The following CYB5R2 variants were observed in gnomAD, a reference collection of about 807,000 sequenced individuals.
CYB5R2 encodes NADH-cytochrome b5 reductase 2.
Under a neutral mutation model 29.8 loss-of-function variants are expected in CYB5R2, and 35 were observed. That is an observed-to-expected ratio of 1.17 (90% CI 0.90 to 1.56). The LOEUF (loss-of-function observed/expected upper bound fraction) is 1.56, where lower values mean the gene tolerates loss of function less well. CYB5R2 is among the 40% of genes most tolerant of loss of function. CYB5R2 has a pLI of 0.00. For synonymous variants in CYB5R2, 169 were observed against 130.6 expected, an observed-to-expected ratio of 1.29 and a Z score of -2.01; for missense variants, 419 against 346.7, an observed-to-expected ratio of 1.21 and a Z score of -1.66.
At position 7,669,652 on chromosome 11, in the gene CYB5R2, G is replaced by A; in HGVS notation, c.231C>T (p.Asp77=). ...TTATAATTAGGTCCACAAAGCCTCT[G>A]TCATCATCACTGGAGACAGGGGTGT... ...RAYTPVSSDD[D]RGFVDLIIKI... is the part of the protein sequence containing the mutation. The change falls in exon 4 of 9, where the codon GAC becomes GAT. Residue 77 remains aspartate (D), a synonymous_variant. Transcript: ENST00000299498. 1 of 1,609,652 alleles carries A rather than the reference G, an allele frequency of 6.2e-7. No homozygotes were observed. The highest frequency in any genetic ancestry group is 8.5e-7 in the Non-Finnish European group (1 of 1,178,314).
chr11:7,672,648 G>A, intron 2 of CYB5R2, 100 bp downstream of exon 2: 1 of 1,121,388 alleles, frequency 8.9e-7, no homozygotes, highest in Non-Finnish European at 1.3e-6. Flanking sequence ...ACACAGGGCG[G>A]CGGGGAGTGA....
Position 7,672,786 on chromosome 11 carries a change from G to T in CYB5R2, c.40C>A (p.Pro14Thr), listed in dbSNP as rs371577976. 3 of 1,613,994 alleles carry T rather than the reference G, an allele frequency of 1.9e-6. No individual in the cohort carries two copies. In the African/African-American group the frequency reaches 4.0e-5, roughly 22 times the overall value. Residue 14 changes from proline (P) to threonine (T), a missense_variant, in exon 2 of 9, where the codon CCT (proline) becomes ACT (threonine). Transcript: ENST00000299498. Reference protein sequence around the residue: ...RRREPITLQDPEAKYPLPLIE... With the variant: ...RRREPITLQDTEAKYPLPLIE... ...AAGGGCAGCGGGTACTTGGCTTCAG[G>T]GTCCTGTAAGGTGATTGGCTCTCTC...
At chr11:7,667,571 C>T in intron 7 of CYB5R2, 157 bp downstream of exon 7, 2 of 693,282 alleles carry the variant, frequency 2.9e-6, no homozygotes, top group Non-Finnish European at 5.1e-6. Flanking sequence ...CTGGACTCAG[C>T]TTCTCCAGCT....
intron 3 of CYB5R2, chr11:7,672,154 C>T: frequency 2.6e-6 from 1 of 381,198 alleles, no homozygotes; most frequent in Non-Finnish European, 4.7e-6. Context: ...GAAGGACTTC[C>T]CTTAAGTTCC....
intron 6 of CYB5R2, among the ~76,000 whole-genome samples, 182 bp downstream of exon 6, chr11:7,668,296 T>C (rs1855471580): frequency 1.3e-5 from 2 of 152,134 alleles, no homozygotes; most frequent in Non-Finnish European, 2.9e-5. Context: ...GCAGCCACCA[T>C]ATTGGTTAGG....
At chr11:7,666,620 G>C (rs1360534244) in intron 7 of CYB5R2, 70 bp from the exon 8 acceptor site, 7 of 1,146,260 alleles carry the variant, frequency 6.1e-6, no homozygotes, top group Non-Finnish European at 7.7e-6. Context: ...GACTACACCG[G>C]TCAGCATACT....
At position 7,672,883 on chromosome 11, in the gene CYB5R2, G is replaced by A. The variant is rs1855847121; in HGVS notation, c.-58C>T. The A allele has an allele frequency of 6.2e-7, 1 of 1,612,990 alleles. No individual in the cohort carries two copies. The highest frequency in any genetic ancestry group is 1.1e-5 in the South Asian group (1 of 90,818). On this transcript the variant is annotated 5_prime_UTR_variant, in exon 2 of 9. Transcript: ENST00000299498. Reference sequence around the variant, plus strand: ...CAGTGACGGTGATGGTCAGGAGCAGGGACGGGTCCTGGCAGACACAATGTG... The same window carrying A: ...CAGTGACGGTGATGGTCAGGAGCAGAGACGGGTCCTGGCAGACACAATGTG...
rs1855199112 is a variant in CYB5R2, at chr11:7,666,250, C to G, written c.658+201G>C. The G allele has an allele frequency of 2.0e-5, 12 of 595,164 alleles. No homozygotes were observed. In the South Asian group the frequency reaches 2.5e-4, roughly 12 times the overall value. The allele number at this position is 595,164 out of a possible 1,614,324, so 36.9% of individuals were successfully genotyped here. On this transcript the variant is annotated intron_variant, in intron 8 of 8. Transcript: ENST00000299498. ...GCTGCTGATGTATTAGACACCTGCT[C>G]TCGATTGCCCTTAAAAGCAGGCCAT...
At chr11:7,670,847 C>A (rs1159329303) in intron 3 of CYB5R2, 1 of 152,206 alleles carries the variant, frequency 6.6e-6, no homozygotes, top group South Asian at 2.1e-4. Context: ...TAACCCTAAC[C>A]CTTGACTAAC....
intron 3 of CYB5R2, 97 bp from the exon 4 acceptor site, chr11:7,669,828 G>A (rs955499530): frequency 3.8e-5 from 33 of 869,064 alleles, no homozygotes; most frequent in Non-Finnish European, 5.9e-5. Context: ...GCAAATACTG[G>A]GGGCACAATG....
At chr11:7,673,532 CTCCCCGCCCTTCGCGG>C, upstream of CYB5R2, 3 of 985,296 alleles carry the variant, frequency 3.0e-6, no homozygotes, top group Non-Finnish European at 3.6e-6. Flanking sequence ...GCCCGCCCCA[CTCCCCGCCCTTCGCGG>C]TCCCGCCCAC....
rs888233946 is a variant in CYB5R2 at position 7,668,508 on chromosome 11, C to G, written c.442G>C (p.Asp148His). 3 of 1,614,032 alleles carry G rather than the reference C, an allele frequency of 1.9e-6. No homozygotes were observed. Among genetic ancestry groups the G allele is most frequent in the Non-Finnish European group, 2.5e-6 (3 of 1,179,942 alleles). Residue 148 changes from aspartate to histidine, a missense_variant, in exon 6 of 9, where the codon GAT (aspartate) becomes CAT (histidine). Coordinates refer to ENST00000299498, the MANE Select transcript of CYB5R2 (RefSeq NM_016229.5). ...CCCCCAGCAATCATTCCCAGGTGATCGGCCAGTGTTTTTTTAGGCTCACTC... is the reference window on the plus strand; with the variant it reads ...CCCCCAGCAATCATTCCCAGGTGATGGGCCAGTGTTTTTTTAGGCTCACTC... The part of the protein sequence containing the change: ...QTSEPKKTLA[D>H]HLGMIAGGTG...
intron 1 of CYB5R2, 101 bp downstream of exon 1, chr11:7,673,318 C>T: frequency 3.0e-6 from 3 of 1,004,932 alleles, no homozygotes; most frequent in South Asian, 3.7e-5. Context: ...TGCCCCGTGA[C>T]TTAGGGCCTG....
At chr11:7,672,359 C>A in intron 3 of CYB5R2, 92 bp downstream of exon 3, 3 of 1,123,874 alleles carry the variant, frequency 2.7e-6, no homozygotes, top group Admixed American at 3.9e-5. Flanking sequence ...ATCTTCCACA[C>A]CTCAGGACGT....
intron 6 of CYB5R2, 64 bp downstream of exon 6, chr11:7,668,414 G>T: frequency 2.4e-6 from 3 of 1,261,124 alleles, no homozygotes; most frequent in South Asian, 2.4e-5. Flanking sequence ...AGGATCAAAT[G>T]ACTCCCAAGT....
Position 7,672,892 on chromosome 11 carries a change from C to T in CYB5R2, c.-66-1G>A, listed in dbSNP as rs750531914. On this transcript the variant is annotated splice_acceptor_variant, in intron 1 of 8. Transcript: ENST00000299498. LOFTEE classifies it low-confidence loss of function (5UTR_SPLICE). ...TGATGGTCAGGAGCAGGGACGGGTC[C>T]TGGCAGACACAATGTGAACAGAGCA... 1.2e-6 allele frequency: 2 copies of T among 1,611,322 alleles called. No individual in the cohort carries two copies. The highest frequency in any genetic ancestry group is 2.2e-5 in the South Asian group (2 of 90,498).
At chr11:7,668,604 T>G in intron 5 of CYB5R2, 43 bp from the exon 6 acceptor site, 2 of 1,470,620 alleles carry the variant, frequency 1.4e-6, no homozygotes, top group Non-Finnish European at 1.9e-6. Flanking sequence ...AGTTCTTGCC[T>G]AAAGAGACTG....
Position 7,672,462 on chromosome 11 carries a change from C to T in CYB5R2, c.140G>A (p.Gly47Glu). The T allele has an allele frequency of 6.2e-7, 1 of 1,614,154 alleles. No individual in the cohort carries two copies. The highest frequency in any genetic ancestry group is 8.5e-7 in the Non-Finnish European group (1 of 1,180,018). The change falls in exon 3 of 9, where the codon GGG (glycine) becomes GAG (glutamate). Residue 47 changes from glycine to glutamate, a missense_variant. Physicochemically the swap from Gly to Glu is moderately conservative, Grantham distance 98 (BLOSUM62 -2). Transcript: ENST00000299498. ...FGLPSPDHVL[G>E]LPVGNYVQLL... is the part of the protein sequence containing the mutation. ...CAAGCCCGGCTCACCTACAGGAAGC[C>T]CTAAGACATGGTCCGGCGAAGGCAG...
intron 6 of CYB5R2, 33 bp downstream of exon 6, chr11:7,668,445 A>G (rs775286200): frequency 6.6e-7 from 1 of 1,513,344 alleles, no homozygotes. Context: ...CTCGGGGCTC[A>G]CTCTCTGGAT....
Sources: gnomAD v4.1 joint callset for allele counts (sites outside exome capture counted in the v4.1 genomes callset) on GRCh38, gnomAD v4.1.1 for gene constraint, MANE v1.5 for transcripts, NCBI Gene and HGNC (gene_info 2026-07-23, HGNC 2026-07-21) for gene names.